Variants in NRG1 observed in about 807,000 individuals in gnomAD.
NRG1 encodes the protein neuregulin 1, also known as pro-neuregulin-1, membrane-bound isoform.
Under a neutral mutation model 63.8 loss-of-function variants are expected in NRG1, and 18 were observed. The observed-to-expected ratio is 0.28, with a 90% CI of 0.19 to 0.42. The LOEUF (loss-of-function observed/expected upper bound fraction) is 0.42, where lower values mean the gene tolerates loss of function less well. Ranked by LOEUF, NRG1 falls within the 10% of genes least tolerant of loss-of-function variation. The pLI, the probability that NRG1 is intolerant of heterozygous loss-of-function variation, is 1.00. For missense variants in NRG1, 762 were observed against 814.7 expected (o/e 0.94, Z 0.79); for synonymous variants, 302 against 301.3 (o/e 1.00, Z -0.02).
At chr8:32,114,856 A>C (rs939475069) in intron 1 of NRG1, among the ~76,000 whole-genome samples, 1 of 152,180 alleles carries the variant, frequency 6.6e-6, no homozygotes, top group East Asian at 1.9e-4. Flanking sequence ...TTGAGCATCT[A>C]TGTTGACAAG....
At chr8:32,537,252 C>T (rs954040959) in intron 1 of NRG1, among the ~76,000 whole-genome samples, 17 of 140,454 alleles carry the variant, frequency 1.2e-4, no homozygotes, top group African/African-American at 4.4e-4. Flanking sequence ...TCTGATTCTA[C>T]TCATTCAAGT....
chr8:32,548,026 TGGCCTC>T (rs1434737682), upstream of NRG1, among the ~76,000 whole-genome samples: 1 of 152,064 alleles, frequency 6.6e-6, no homozygotes, highest in Non-Finnish European at 1.5e-5. Context: ...TCCGGGGCGC[TGGCCTC>T]GGTCTCCGCG....
intron 1 of NRG1, among the ~76,000 whole-genome samples, chr8:32,301,555 A>G (rs1855565177): frequency 6.6e-6 from 1 of 152,214 alleles, no homozygotes; most frequent in South Asian, 2.1e-4. Context: ...AGACATACCC[A>G]AGACTGGACA....
At chr8:32,100,428 T>C (rs1405240467) in intron 1 of NRG1, among the ~76,000 whole-genome samples, 3 of 152,180 alleles carry the variant, frequency 2.0e-5, no homozygotes, top group Non-Finnish European at 2.9e-5. Flanking sequence ...GAAATTCTTA[T>C]CAGTTAAATG....
chr8:32,251,627 C>T (rs1459471403), intron 1 of NRG1, among the ~76,000 whole-genome samples: 1 of 152,246 alleles, frequency 6.6e-6, no homozygotes, highest in East Asian at 1.9e-4. Context: ...CTTGAGGAAT[C>T]GCCGCACTGT....
chr8:32,322,357 A>T (rs111780900), intron 1 of NRG1, among the ~76,000 whole-genome samples: 39 of 143,238 alleles, frequency 2.7e-4, no homozygotes, highest in African/African-American at 4.2e-4. Context: ...ACCTTATTTT[A>T]TATATATATA....
intron 1 of NRG1, among the ~76,000 whole-genome samples, chr8:31,906,054 A>T (rs1366449865): frequency 6.6e-6 from 1 of 152,228 alleles, no homozygotes; most frequent in East Asian, 1.9e-4. Context: ...AATAACAAGC[A>T]TTTATTAACT....
chr8:32,533,610 T>A (rs888371447), intron 1 of NRG1, among the ~76,000 whole-genome samples: 1 of 152,008 alleles, frequency 6.6e-6, no homozygotes, highest in African/African-American at 2.4e-5. Flanking sequence ...CATTTAGCCA[T>A]GAAAAAGAGA....
intron 5 of NRG1, among the ~76,000 whole-genome samples, chr8:32,705,314 G>C (rs1327318640): frequency 6.6e-6 from 1 of 151,976 alleles, no homozygotes; most frequent in East Asian, 1.9e-4. Flanking sequence ...TGTATTTTTA[G>C]TAGAGATGGG....
At chr8:32,242,128 A>C (rs1221814087) in intron 1 of NRG1, among the ~76,000 whole-genome samples, 1 of 152,112 alleles carries the variant, frequency 6.6e-6, no homozygotes, top group Non-Finnish European at 1.5e-5. Flanking sequence ...TAGTTTCCCC[A>C]TATGTAAAAA....
At chr8:32,170,381 A>C (rs1839902022) in intron 1 of NRG1, among the ~76,000 whole-genome samples, 1 of 152,196 alleles carries the variant, frequency 6.6e-6, no homozygotes, top group South Asian at 2.1e-4. Context: ...AGCCTGTCAG[A>C]TCCCCTGCTT....
At chr8:31,868,200 G>A (rs1276424982) in intron 1 of NRG1, among the ~76,000 whole-genome samples, 2 of 139,196 alleles carry the variant, frequency 1.4e-5, no homozygotes, top group Admixed American at 7.0e-5. Context: ...ACACAAATAA[G>A]CCCTGAGAAT....
chr8:31,751,022 T>A (rs1227927784), intron 1 of NRG1, among the ~76,000 whole-genome samples: 1 of 152,000 alleles, frequency 6.6e-6, no homozygotes, highest in African/African-American at 2.4e-5. Flanking sequence ...AATTATTTTT[T>A]ATAGAGGTGG....
At chr8:32,254,948 A>G (rs932495034) in intron 1 of NRG1, among the ~76,000 whole-genome samples, 7 of 152,154 alleles carry the variant, frequency 4.6e-5, no homozygotes, top group Admixed American at 4.6e-4. Context: ...TTACCATTAC[A>G]TAATGCCCTT....
At position 32,136,677 on chromosome 8, in the gene NRG1, A is replaced by G. The variant is rs1835571820; in HGVS notation, c.38-459151A>G. 2.0e-5 allele frequency: 3 copies of G among 152,168 alleles called. No individual in the cohort carries two copies. In the South Asian group the frequency reaches 6.2e-4, roughly 32 times the overall value. 9.4% of individuals were successfully genotyped at this position (152,168 alleles called of 1,614,324 possible). Reference sequence around the variant, plus strand: ...TCATATGTCTTCTTTCTTCACTGACAATGGCACCCCACTAATGGAGTGTGC... The same window carrying G: ...TCATATGTCTTCTTTCTTCACTGACGATGGCACCCCACTAATGGAGTGTGC... On this transcript the variant is annotated intron_variant, in intron 1 of 10. Coordinates refer to the NRG1 transcript ENST00000519301.
rs1318202148 is a variant in NRG1 at position 32,561,233 on chromosome 8, T to C, written c.100+12407T>C. On this transcript the variant is annotated intron_variant, in intron 1 of 11. Coordinates refer to ENST00000356819, the Ensembl canonical transcript of NRG1. ...GAATTCAGCTTCACTTTTATAGTGC[T>C]TTGGGTGTTATTATGCTTCCAGATA... 2.0e-5 allele frequency among the ~76,000 whole-genome samples: 3 copies of C among 152,196 alleles called. No homozygotes were observed. In the East Asian group the frequency reaches 5.8e-4, roughly 29 times the overall value.
rs1378672295 is a variant in NRG1, at chr8:31,660,875, ATTTATTCT to A, written c.37+21449_37+21456del. On this transcript the variant is annotated intron_variant, in intron 1 of 10. Transcript: ENST00000519301. ...TCATTTTCTATATTATTTGGCCATC[ATTTATTCT>A]TTTAAATTCATTTATAATTGTTTTT... 2.0e-5 allele frequency among the ~76,000 whole-genome samples: 3 copies of A among 152,104 alleles called. No individual in the cohort carries two copies. In the East Asian group the frequency reaches 5.8e-4, roughly 29 times the overall value.
chr8:32,133,636 A>G (rs925923225), intron 1 of NRG1, among the ~76,000 whole-genome samples: 1 of 152,154 alleles, frequency 6.6e-6, no homozygotes, highest in African/African-American at 2.4e-5. Context: ...TTTATCACTC[A>G]TTATTAATGC....
At chr8:31,962,739 G>C (rs1024376130) in intron 1 of NRG1, among the ~76,000 whole-genome samples, 1 of 152,044 alleles carries the variant, frequency 6.6e-6, no homozygotes, top group African/African-American at 2.4e-5. Context: ...AGGACTGCTG[G>C]GTATAAGCCT....
Sources: allele counts gnomAD v4.1 joint callset (sites outside exome capture counted in the v4.1 genomes callset), GRCh38; gene constraint gnomAD v4.1.1; transcripts MANE v1.5; gene names NCBI Gene and HGNC (gene_info 2026-07-23, HGNC 2026-07-21).